DLG2: variants seen among roughly 807,000 people sequenced by gnomAD.
The protein encoded by DLG2 is discs large MAGUK scaffold protein 2, also known as disks large homolog 2.
A neutral mutation model predicts 132.5 loss-of-function variants in DLG2; 45 were observed. The ratio of observed to expected loss-of-function variants is 0.34; its 90% CI spans 0.27 to 0.44. DLG2 has a LOEUF of 0.44. DLG2 is among the 20% of genes least tolerant of loss of function. The pLI is 1.00. For missense variants in DLG2, 1,045 were observed against 1,196.9 expected, an observed-to-expected ratio of 0.87 and a Z score of 1.87; for synonymous variants, 424 against 419.6, an observed-to-expected ratio of 1.01 and a Z score of -0.13.
chr11:84,979,646 G>A (rs954235857), intron 6 of DLG2, among the ~76,000 whole-genome samples: 2 of 151,970 alleles, frequency 1.3e-5, no homozygotes, highest in African/African-American at 4.8e-5. Context: ...TCACACACCA[G>A]GGCCTGTTGT....
intron 6 of DLG2, among the ~76,000 whole-genome samples, chr11:84,633,613 T>TA (rs2099635819): frequency 1.4e-5 from 2 of 146,248 alleles, no homozygotes; most frequent in East Asian, 2.0e-4. Flanking sequence ...TTATGACTAT[T>TA]TAAAAAAAAA....
chr11:83,988,355 G>C (rs536093669), intron 11 of DLG2, among the ~76,000 whole-genome samples: 6 of 152,134 alleles, frequency 3.9e-5, no homozygotes, highest in Admixed American at 2.0e-4. Context: ...CATGTGGCTA[G>C]CTATGGATGC....
intron 3 of DLG2, among the ~76,000 whole-genome samples, chr11:85,349,123 A>G (rs928338200): frequency 6.6e-5 from 10 of 152,148 alleles, no homozygotes; most frequent in African/African-American, 2.4e-4. Flanking sequence ...TTCAGGCTCA[A>G]CTGACCAGCA....
At chr11:85,334,328 AT>A (rs1443785572) in intron 3 of DLG2, among the ~76,000 whole-genome samples, 2 of 151,284 alleles carry the variant, frequency 1.3e-5, no homozygotes, top group Non-Finnish European at 3.0e-5. Flanking sequence ...CTCTTTTTTT[AT>A]TTATTATTCT....
At chr11:85,254,897 G>A (rs2076586835) in intron 4 of DLG2, among the ~76,000 whole-genome samples, 1 of 151,730 alleles carries the variant, frequency 6.6e-6, no homozygotes, top group South Asian at 2.1e-4. Flanking sequence ...TACTCAGGAG[G>A]CTGAGGCAGT....
At chr11:84,229,700 C>T (rs1054491996) in intron 8 of DLG2, among the ~76,000 whole-genome samples, 1 of 152,196 alleles carries the variant, frequency 6.6e-6, no homozygotes, top group Non-Finnish European at 1.5e-5. Flanking sequence ...ACAGTCACTG[C>T]TTGGGTTTGA....
intron 19 of DLG2, among the ~76,000 whole-genome samples, chr11:83,577,166 T>C (rs1365382318): frequency 6.6e-6 from 1 of 152,066 alleles, no homozygotes; most frequent in South Asian, 2.1e-4. Flanking sequence ...TCTCCCATGC[T>C]GGATGCTTCC....
At chr11:84,423,080 G>A (rs1406991554) in intron 7 of DLG2, among the ~76,000 whole-genome samples, 2 of 152,052 alleles carry the variant, frequency 1.3e-5, no homozygotes, top group African/African-American at 4.8e-5. Context: ...TTATGGCAAG[G>A]TCAAATGGGG....
chr11:84,765,024 G>A (rs1235995007), intron 6 of DLG2, among the ~76,000 whole-genome samples: 1 of 152,064 alleles, frequency 6.6e-6, no homozygotes, highest in Non-Finnish European at 1.5e-5. Flanking sequence ...AGAAAGTGAT[G>A]CCTTCTTTCC....
chr11:85,090,835 A>G (rs972255702), intron 6 of DLG2, among the ~76,000 whole-genome samples: 1 of 152,194 alleles, frequency 6.6e-6, no homozygotes, highest in Non-Finnish European at 1.5e-5. Flanking sequence ...GTAATTTATA[A>G]AGAAAAAAAG....
chr11:84,167,114 G>A lies in DLG2; in HGVS notation c.574-3603C>T, dbSNP rs139945018. On this transcript the variant is annotated intron_variant, in intron 8 of 27. Transcript: ENST00000376104. ...ACATTTTCATAGACTTGGAGAGTCA[G>A]TCAAATAGATTAAACTTTTCAGTGT... 1.1e-3 allele frequency: 512 copies of A among 449,284 alleles called. 2 individuals carry two copies. Among genetic ancestry groups the A allele is most frequent in the African/African-American group, 9.6e-3 (473 of 49,034 alleles). The allele number at this position is 449,284 out of a possible 1,614,324, so 27.8% of individuals were successfully genotyped here.
Position 84,779,957 on chromosome 11 carries a change from T to C in DLG2, c.358-245226A>G, listed in dbSNP as rs143019326. ...ATATTCACAACCAAATTCTACCAGA[T>C]ATACAAAGAAGAACTAATACCAATC... is the stretch of plus-strand genomic sequence containing the variant. On this transcript the variant is annotated intron_variant, in intron 6 of 27. Coordinates refer to ENST00000376104, the MANE Select transcript of DLG2 (RefSeq NM_001142699.3). Among the ~76,000 whole-genome samples the C allele has an allele frequency of 4.0e-4, 60 of 150,352 alleles. No individual in the cohort carries two copies. The Middle Eastern group carries it at 0.028, about 71-fold the overall frequency.
intron 6 of DLG2, among the ~76,000 whole-genome samples, chr11:84,904,719 T>C (rs1171300960): frequency 3.3e-5 from 5 of 152,172 alleles, no homozygotes; most frequent in South Asian, 2.1e-4. Context: ...CAGTGTCTAA[T>C]ACACACAAAA....
At chr11:85,122,955 A>ATATATTATATATATATATAT (rs1555376329) in intron 5 of DLG2, among the ~76,000 whole-genome samples, 1 of 38,168 alleles carries the variant, frequency 2.6e-5, no homozygotes, top group Non-Finnish European at 4.5e-5. Flanking sequence ...TATATTATAT[A>ATATATTATATATATATATAT]TATATATATA....
At chr11:83,610,747 C>T (rs1377769152) in intron 19 of DLG2, among the ~76,000 whole-genome samples, 1 of 152,064 alleles carries the variant, frequency 6.6e-6, no homozygotes, top group African/African-American at 2.4e-5. Context: ...GAACACTATG[C>T]TAAGCATATT....
intron 6 of DLG2, among the ~76,000 whole-genome samples, chr11:84,552,809 C>G (rs2099404459): frequency 6.6e-6 from 1 of 152,096 alleles, no homozygotes; most frequent in Non-Finnish European, 1.5e-5. Context: ...AACTAATCAC[C>G]CTCAGATACA....
At chr11:85,471,388 A>G (rs2092979247) in intron 3 of DLG2, among the ~76,000 whole-genome samples, 1 of 152,224 alleles carries the variant, frequency 6.6e-6, no homozygotes, top group Admixed American at 6.6e-5. Flanking sequence ...TATCAAATGG[A>G]AGGATGAGCA....
chr11:83,924,907 A>T (rs1000468962), intron 15 of DLG2, among the ~76,000 whole-genome samples: 1 of 152,082 alleles, frequency 6.6e-6, no homozygotes, highest in African/African-American at 2.4e-5. Context: ...TTTCATAGAT[A>T]ATGCTTCTTA....
intron 18 of DLG2, among the ~76,000 whole-genome samples, chr11:83,655,854 T>C (rs1453079905): frequency 6.6e-6 from 1 of 152,242 alleles, no homozygotes; most frequent in Non-Finnish European, 1.5e-5. Context: ...TTTCCCTGAA[T>C]TGCTGTCACA....
Sources: allele counts gnomAD v4.1 joint callset (sites outside exome capture counted in the v4.1 genomes callset), GRCh38; gene constraint gnomAD v4.1.1; transcripts MANE v1.5; gene names NCBI Gene and HGNC (gene_info 2026-07-23, HGNC 2026-07-21).